Variants in GALNT13 observed in about 807,000 individuals in gnomAD.
GALNT13 encodes the protein polypeptide N-acetylgalactosaminyltransferase 13.
GALNT13 carries 28 observed loss-of-function variants against 64.2 expected under a neutral mutation model. The observed-to-expected ratio is 0.44, with a 90% CI of 0.32 to 0.60. GALNT13 has a LOEUF of 0.60. Ranked by LOEUF, GALNT13 falls within the 20% of genes least tolerant of loss-of-function variation. The probability of loss-of-function intolerance (pLI) is 0.05; values close to 1 mark genes in which losing one functional copy is unlikely to be tolerated. For synonymous variants in GALNT13, 214 were observed against 224.6 expected, an observed-to-expected ratio of 0.95 and a Z score of 0.42; for missense variants, 577 against 669.8, an observed-to-expected ratio of 0.86 and a Z score of 1.53.
At chr2:153,676,139 T>A in the GALNT13 span, among the ~76,000 whole-genome samples, 1 of 151,636 alleles carries the variant, frequency 6.6e-6, no homozygotes, top group Admixed American at 6.6e-5. Context: ...GAAAAAAAGA[T>A]GAAAAGAACC....
chr2:153,529,223 AAG>A, the GALNT13 span, among the ~76,000 whole-genome samples: 4 of 152,058 alleles, frequency 2.6e-5, no homozygotes, highest in African/African-American at 4.8e-5. Flanking sequence ...GAGATGAAAA[AAG>A]AGACATTACA....
the GALNT13 span, among the ~76,000 whole-genome samples, chr2:153,803,499 T>C: frequency 3.6e-4 from 55 of 152,140 alleles, no homozygotes; most frequent in Middle Eastern, 3.4e-3. Flanking sequence ...GAGACCATCC[T>C]GGCTAACACG....
chr2:154,344,906 C>T (rs1369038098), intron 9 of GALNT13, among the ~76,000 whole-genome samples: 3 of 151,802 alleles, frequency 2.0e-5, no homozygotes, highest in Non-Finnish European at 4.4e-5. Flanking sequence ...GGATCTATGC[C>T]CACTGGAGGA....
chr2:153,871,703 C>T (rs1204890344), upstream of GALNT13, among the ~76,000 whole-genome samples: 1 of 152,226 alleles, frequency 6.6e-6, no homozygotes, highest in African/African-American at 2.4e-5. Context: ...GAAGCGCCAG[C>T]TCCAGAAGCA....
the GALNT13 span, among the ~76,000 whole-genome samples, chr2:153,604,904 C>G: frequency 6.6e-6 from 1 of 152,002 alleles, no homozygotes; most frequent in Non-Finnish European, 1.5e-5. Context: ...AGCTCACAGA[C>G]TAGAGTATAG....
intron 4 of GALNT13, among the ~76,000 whole-genome samples, chr2:154,223,726 G>C (rs982641326): frequency 6.6e-6 from 1 of 151,924 alleles, no homozygotes. Flanking sequence ...CTTATCTCAG[G>C]TAAAAGTATT....
At chr2:153,329,400 A>G in the GALNT13 span, among the ~76,000 whole-genome samples, 1 of 152,236 alleles carries the variant, frequency 6.6e-6, no homozygotes, top group East Asian at 1.9e-4. Flanking sequence ...TCAACAGTGT[A>G]TAAGAATTCC....
the GALNT13 span, among the ~76,000 whole-genome samples, chr2:153,093,960 G>C: frequency 6.6e-6 from 1 of 152,002 alleles, no homozygotes; most frequent in Non-Finnish European, 1.5e-5. Flanking sequence ...TAATTTATTA[G>C]CATGTAGTTG....
At chr2:154,107,425 A>T (rs1318295003) in intron 3 of GALNT13, among the ~76,000 whole-genome samples, 1 of 152,012 alleles carries the variant, frequency 6.6e-6, no homozygotes, top group Non-Finnish European at 1.5e-5. Context: ...CCTCGTCTCT[A>T]TTAAAAATAC....
chr2:154,242,838 C>T lies in GALNT13; in HGVS notation c.619C>T (p.Leu207Phe). Reference sequence around the variant, plus strand: ...TTCAAAAGGGCAGGTCATAACTTTTCTTGATGCACACTGTGAATGCACGTT... The same window carrying T: ...TTCAAAAGGGCAGGTCATAACTTTTTTTGATGCACACTGTGAATGCACGTT... ...AASKGQVITF[L>F]DAHCECTLGW... The change falls in exon 6 of 13, where the codon CTT becomes TTT. Residue 207 changes from leucine (L) to phenylalanine (F), a missense_variant. This residue lies in a region of GALNT13 where 341 missense variants were observed against 379.3 expected (regional missense o/e 0.90). Coordinates refer to ENST00000392825, the MANE Select transcript of GALNT13 (RefSeq NM_052917.4). 6.2e-7 allele frequency: 1 copy of T among 1,614,124 alleles called. No homozygotes were observed. The highest frequency in any genetic ancestry group is 8.5e-7 in the Non-Finnish European group (1 of 1,180,006).
chr2:153,555,042 A>C, the GALNT13 span, among the ~76,000 whole-genome samples: 1 of 152,106 alleles, frequency 6.6e-6, no homozygotes, highest in South Asian at 2.1e-4. Flanking sequence ...AAATGAAAAA[A>C]ATTTAACTCT....
At chr2:153,772,098 C>T in the GALNT13 span, among the ~76,000 whole-genome samples, 4 of 152,256 alleles carry the variant, frequency 2.6e-5, no homozygotes, top group African/African-American at 7.2e-5. Context: ...CAGTGCTTAC[C>T]ACTGAGGTGC....
chr2:154,011,232 C>G (rs1355174647), intron 3 of GALNT13, among the ~76,000 whole-genome samples: 6 of 29,242 alleles, frequency 2.1e-4, no homozygotes, highest in Admixed American at 4.2e-4. Flanking sequence ...TAGCTTTCTT[C>G]TTAATGCTGC....
intron 8 of GALNT13, among the ~76,000 whole-genome samples, chr2:154,276,230 C>CTT (rs977123493): frequency 6.7e-6 from 1 of 150,206 alleles, no homozygotes. Flanking sequence ...TTTGTTTTCT[C>CTT]TTTTTTTTTG....
At chr2:154,260,404 C>T (rs1000845453) in intron 8 of GALNT13, among the ~76,000 whole-genome samples, 2 of 152,200 alleles carry the variant, frequency 1.3e-5, no homozygotes, top group Non-Finnish European at 2.9e-5. Context: ...AATTTCTCTA[C>T]TGTAGAATTC....
At chr2:154,196,300 T>A (rs1183303064) in intron 4 of GALNT13, among the ~76,000 whole-genome samples, 1 of 152,194 alleles carries the variant, frequency 6.6e-6, no homozygotes, top group Non-Finnish European at 1.5e-5. Flanking sequence ...CTGGGCTTTT[T>A]AATTCCTTTT....
intron 4 of GALNT13, among the ~76,000 whole-genome samples, chr2:154,234,177 A>T (rs568445701): frequency 6.6e-6 from 1 of 152,182 alleles, no homozygotes; most frequent in Non-Finnish European, 1.5e-5. Flanking sequence ...GAAATTAAAG[A>T]TAAAATACAA....
intron 4 of GALNT13, among the ~76,000 whole-genome samples, chr2:154,230,910 C>T (rs188657348): frequency 6.6e-6 from 1 of 152,084 alleles, no homozygotes; most frequent in Non-Finnish European, 1.5e-5. Flanking sequence ...AATGACATTG[C>T]CATGACATTG....
chr2:154,270,140 A>C (rs914519507), intron 8 of GALNT13, among the ~76,000 whole-genome samples: 1 of 151,572 alleles, frequency 6.6e-6, no homozygotes, highest in Non-Finnish European at 1.5e-5. Flanking sequence ...AAACATTAAC[A>C]AAACTTGTAT....
Sources: allele counts gnomAD v4.1 joint callset (sites outside exome capture counted in the v4.1 genomes callset), GRCh38; gene constraint gnomAD v4.1.1; regional missense constraint gnomAD v4.1.1; transcripts MANE v1.5; gene names NCBI Gene and HGNC (gene_info 2026-07-23, HGNC 2026-07-21).